OSTC: variants seen among roughly 807,000 people sequenced by gnomAD.
OSTC encodes oligosaccharyltransferase complex subunit OSTC.
OSTC carries 16 observed loss-of-function variants against 16.4 expected under a neutral mutation model. That is an observed-to-expected ratio of 0.98 (90% CI 0.66 to 1.49). The LOEUF is 1.49. Among genes scored for constraint, OSTC ranks in the 40% most tolerant of loss-of-function variants. OSTC has a pLI of 0.00. For missense variants in OSTC, 139 were observed against 186.3 expected (o/e 0.75, Z 1.48); for synonymous variants, 67 against 68.5 (o/e 0.98, Z 0.11).
At chr4:108,663,171 T>C in intron 3 of OSTC, 1 of 455,722 alleles carries the variant, frequency 2.2e-6, no homozygotes, top group Non-Finnish European at 4.4e-6. Context: ...AGTTAGATTA[T>C]GGCCACAGTT....
chr4:108,657,482 C>G lies in OSTC; in HGVS notation c.266C>G (p.Ala89Gly), dbSNP rs565859199. Residue 89 changes from alanine to glycine, a missense_variant, in exon 3 of 4, where the codon GCA (alanine) becomes GGA (glycine). By Grantham distance (60) the Ala-to-Gly change is moderately conservative. Transcript: ENST00000361564. ...GGACAATATATTATGGAAGGACTTGCATCCAGCTTCCTATTTACAATGGGA... is the reference window on the plus strand; with the variant it reads ...GGACAATATATTATGGAAGGACTTGGATCCAGCTTCCTATTTACAATGGGA... ...VNGQYIMEGL[A>G]SSFLFTMGGL... 124 of 1,613,446 alleles carry G rather than the reference C, an allele frequency of 7.7e-5. 2 individuals carry two copies. The South Asian group carries it at 1.3e-3, about 17-fold the overall frequency.
intron 1 of OSTC, among the ~76,000 whole-genome samples, chr4:108,652,452 G>C (rs988892733): frequency 2.0e-5 from 3 of 152,058 alleles, no homozygotes; most frequent in African/African-American, 7.2e-5. Context: ...CAACCATTGG[G>C]GGAAAGTGGA....
At position 108,667,384 on chromosome 4, in the gene OSTC, A is replaced by G; in HGVS notation, c.*119A>G. ...AGAATGAAGAGCAGCAGTAAAAGAA[A>G]TATCTAGTGAAAAAACAGGAAGCGT... On this transcript the variant is annotated 3_prime_UTR_variant, in exon 4 of 4. Coordinates refer to ENST00000361564, the MANE Select transcript of OSTC (RefSeq NM_021227.4). The G allele has an allele frequency of 1.3e-6, 1 of 781,676 alleles. No individual in the cohort carries two copies. The allele number at this position is 781,676 out of a possible 1,614,324, so 48.4% of individuals were successfully genotyped here. A position where few individuals can be genotyped will look rare whatever the true frequency, so the allele number is the denominator to read the frequency against.
At chr4:108,667,164 T>G in intron 3 of OSTC, 83 bp from the exon 4 acceptor site, 1 of 1,123,194 alleles carries the variant, frequency 8.9e-7, no homozygotes, top group Non-Finnish European at 1.3e-6. Context: ...AAAATTTGTT[T>G]TGGCATTTTG....
intron 2 of OSTC, among the ~76,000 whole-genome samples, chr4:108,656,009 A>G (rs1362932860): frequency 1.3e-5 from 2 of 152,006 alleles, no homozygotes; most frequent in Non-Finnish European, 2.9e-5. Context: ...TATATGATCT[A>G]TGGCTGCTTT....
chr4:108,653,301 A>G (rs536867046), intron 1 of OSTC, among the ~76,000 whole-genome samples: 1 of 152,348 alleles, frequency 6.6e-6, no homozygotes, highest in Admixed American at 6.5e-5. Context: ...TTGAGAAACT[A>G]AAGGGAGTTG....
At chr4:108,652,290 A>AT (rs1726575192) in intron 1 of OSTC, 1 of 152,192 alleles carries the variant, frequency 6.6e-6, no homozygotes, top group Non-Finnish European at 1.5e-5. Context: ...ACAAAAAAAA[A>AT]GTCATTATTC....
intron 3 of OSTC, among the ~76,000 whole-genome samples, chr4:108,664,123 A>T (rs1726934403): frequency 6.7e-6 from 1 of 149,442 alleles, no homozygotes; most frequent in South Asian, 2.1e-4. Flanking sequence ...TATCGTTATA[A>T]CATTATAATA....
At position 108,655,457 on chromosome 4, in the gene OSTC, A is replaced by G. The variant is rs1726675358; in HGVS notation, c.140-107A>G. 5.7e-6 allele frequency: 3 copies of G among 527,494 alleles called. No homozygotes were observed. In the East Asian group the frequency reaches 1.3e-4, roughly 24 times the overall value. The allele number at this position is 527,494 out of a possible 1,614,324, so 32.7% of individuals were successfully genotyped here. A position where few individuals can be genotyped will look rare whatever the true frequency, so the allele number is the denominator to read the frequency against. On this transcript the variant is annotated intron_variant, in intron 1 of 3. Transcript: ENST00000361564. ...CTCTCAACCTGGGCGACAGAGTGAG[A>G]CTCTGTCTCAAAAAAAGTAAATGAA...
chr4:108,656,042 A>G (rs1313473651), intron 2 of OSTC, among the ~76,000 whole-genome samples: 1 of 152,174 alleles, frequency 6.6e-6, no homozygotes, highest in Non-Finnish European at 1.5e-5. Flanking sequence ...GCTGAGCTGA[A>G]TAAGTATGAC....
intron 2 of OSTC, among the ~76,000 whole-genome samples, chr4:108,656,033 C>A (rs1339785403): frequency 1.3e-5 from 2 of 151,916 alleles, no homozygotes; most frequent in African/African-American, 4.8e-5. Flanking sequence ...GCTAGAGTGG[C>A]TGAGCTGAAT....
intron 3 of OSTC, among the ~76,000 whole-genome samples, chr4:108,659,077 C>A (rs1726786793): frequency 8.1e-5 from 1 of 12,310 alleles, no homozygotes; most frequent in Non-Finnish European, 1.5e-4. Context: ...CTCCCAGGTT[C>A]AAGAGATTTT....
intron 3 of OSTC, among the ~76,000 whole-genome samples, chr4:108,664,962 G>C (rs1279991585): frequency 6.6e-6 from 1 of 152,164 alleles, no homozygotes; most frequent in Non-Finnish European, 1.5e-5. Context: ...TGGTTGTCAA[G>C]GTGGTTGTGT....
intron 3 of OSTC, among the ~76,000 whole-genome samples, chr4:108,665,445 C>CTTTTTT (rs371138600): frequency 1.8e-5 from 2 of 114,122 alleles, no homozygotes; most frequent in Non-Finnish European, 3.5e-5. Flanking sequence ...TGTTGTAAAC[C>CTTTTTT]TTTTTTTTTT....
At chr4:108,665,223 G>T (rs1726962734) in intron 3 of OSTC, among the ~76,000 whole-genome samples, 1 of 152,158 alleles carries the variant, frequency 6.6e-6, no homozygotes, top group South Asian at 2.1e-4. Flanking sequence ...AGAAACTTGG[G>T]ACTCTAAAAA....
intron 3 of OSTC, among the ~76,000 whole-genome samples, chr4:108,660,451 AGAG>A (rs1726827760): frequency 6.6e-6 from 1 of 152,210 alleles, no homozygotes; most frequent in Non-Finnish European, 1.5e-5. Context: ...TGCAGGCCCC[AGAG>A]GAGATGATGA....
At chr4:108,652,115 A>G (rs1726569905) in intron 1 of OSTC, 1 of 152,192 alleles carries the variant, frequency 6.6e-6, no homozygotes, top group South Asian at 2.1e-4. Flanking sequence ...ACTTTTAAAA[A>G]TAAATAATAT....
At chr4:108,658,985 T>G (rs1236146141) in intron 3 of OSTC, among the ~76,000 whole-genome samples, 1 of 143,980 alleles carries the variant, frequency 6.9e-6, no homozygotes, top group African/African-American at 2.6e-5. Flanking sequence ...TTTTTTTTTT[T>G]TTTTTTTTTT....
In OSTC at chr4:108,667,544, T is replaced by A. The variant is rs1226706384; in HGVS notation, c.*279T>A. ...TTTTTAGTTTTTCATTAAAATATATTCCATATCTACAACTATAATATCAAA... is the reference window on the plus strand; with the variant it reads ...TTTTTAGTTTTTCATTAAAATATATACCATATCTACAACTATAATATCAAA... On this transcript the variant is annotated 3_prime_UTR_variant, in exon 4 of 4. Coordinates refer to ENST00000361564, the MANE Select transcript of OSTC (RefSeq NM_021227.4). 1 of 308,348 alleles carries A rather than the reference T, an allele frequency of 3.2e-6. No homozygotes were observed. Among genetic ancestry groups the A allele is most frequent in the East Asian group, 5.3e-5 (1 of 18,924 alleles). 19.1% of individuals were successfully genotyped at this position (308,348 alleles called of 1,614,324 possible). A position where few individuals can be genotyped will look rare whatever the true frequency, so the allele number is the denominator to read the frequency against.
Sources: gnomAD v4.1 joint callset for allele counts (sites outside exome capture counted in the v4.1 genomes callset) on GRCh38, gnomAD v4.1.1 for gene constraint, MANE v1.5 for transcripts, NCBI Gene and HGNC (gene_info 2026-07-23, HGNC 2026-07-21) for gene names.